The following PSKH2 variants were observed in gnomAD, a reference collection of about 807,000 sequenced individuals.
PSKH2 encodes serine/threonine-protein kinase H2.
PSKH2 carries 16 observed loss-of-function variants against 22.5 expected under a neutral mutation model. The ratio of observed to expected loss-of-function variants is 0.71; its 90% CI spans 0.48 to 1.08. PSKH2 has a LOEUF of 1.08. Among genes scored for constraint, PSKH2 ranks in the 50% least tolerant of loss-of-function variants. PSKH2 has a pLI of 0.00. For synonymous variants in PSKH2, 188 were observed against 184.8 expected (o/e 1.02, Z -0.14); for missense variants, 516 against 492.8 (o/e 1.05, Z -0.44).
At chr8:86,052,000 T>G (rs1246017521) in intron 2 of PSKH2, among the ~76,000 whole-genome samples, 1 of 152,258 alleles carries the variant, frequency 6.6e-6, no homozygotes, top group African/African-American at 2.4e-5. Context: ...TTTATTTTTC[T>G]TTTATTAATC....
chr8:86,054,548 G>A (rs902732524), intron 2 of PSKH2, among the ~76,000 whole-genome samples: 18 of 152,008 alleles, frequency 1.2e-4, no homozygotes, highest in African/African-American at 3.6e-4. Context: ...TTTTGTTATA[G>A]ATATTTAATA....
chr8:86,053,138 C>T (rs1241158927), intron 2 of PSKH2, among the ~76,000 whole-genome samples: 2 of 152,158 alleles, frequency 1.3e-5, no homozygotes, highest in Non-Finnish European at 2.9e-5. Flanking sequence ...CTGTTGTTTG[C>T]CCACATCCAG....
chr8:86,055,980 C>CTGTGTGTG (rs55968832), intron 2 of PSKH2, among the ~76,000 whole-genome samples: 3 of 149,922 alleles, frequency 2.0e-5, no homozygotes, highest in African/African-American at 4.9e-5. Flanking sequence ...ATGTGTGTGT[C>CTGTGTGTG]TGTGTGTGTG....
chr8:86,049,431 T>G (rs1186746914), intron 2 of PSKH2, among the ~76,000 whole-genome samples: 1 of 151,920 alleles, frequency 6.6e-6, no homozygotes, highest in Non-Finnish European at 1.5e-5. Context: ...CAGTGGCACA[T>G]GTCTGTAATC....
chr8:86,064,136 C>G lies in PSKH2; in HGVS notation c.681G>C (p.Glu227Asp). 6.2e-7 allele frequency: 1 copy of G among 1,614,174 alleles called. No homozygotes were observed. The change falls in exon 2 of 3, where the codon GAG (glutamate) becomes GAC (aspartate). Residue 227 changes from glutamate (E) to aspartate (D), a missense_variant. Coordinates refer to ENST00000276616, the MANE Select transcript of PSKH2 (RefSeq NM_033126.3). ...WTMKTLCGTP[E>D]YIAPEVLLRK... is the part of the protein sequence containing the mutation. ...TTAGCAAAACCTCAGGAGCTATGTA[C>G]TCTGGGGTCCCACAGAGTGTCTTCA...
intron 2 of PSKH2, among the ~76,000 whole-genome samples, chr8:86,053,114 T>C (rs1817656294): frequency 6.6e-6 from 1 of 152,228 alleles, no homozygotes; most frequent in Admixed American, 6.5e-5. Context: ...AGTTTTTTGA[T>C]GAACAATATT....
chr8:86,066,898 T>G (rs565689587), intron 1 of PSKH2, among the ~76,000 whole-genome samples: 1 of 152,338 alleles, frequency 6.6e-6, no homozygotes, highest in East Asian at 1.9e-4. Context: ...ACATGCATTC[T>G]CAGTGTGATT....
intron 2 of PSKH2, among the ~76,000 whole-genome samples, chr8:86,061,903 A>T (rs2130163379): frequency 6.6e-6 from 1 of 152,320 alleles, no homozygotes; most frequent in Non-Finnish European, 1.5e-5. Context: ...GATTGTTTTA[A>T]GCCACTAGGT....
Position 86,048,646 on chromosome 8 carries a change from G to A in PSKH2, c.974C>T (p.Ala325Val). Residue 325 changes from alanine to valine, a missense_variant, in exon 3 of 3, where the codon GCA becomes GTA. Coordinates refer to ENST00000276616, the MANE Select transcript of PSKH2 (RefSeq NM_033126.3). ...CTGGAGATTCTTCATGGAAGACCCTGCAGCCATGGTGATCACCCAGGGATG... is the reference window on the plus strand; with the variant it reads ...CTGGAGATTCTTCATGGAAGACCCTACAGCCATGGTGATCACCCAGGGATG... ...LDHPWVITMAAGSSMKNLQRA... is the reference protein window; with the variant it reads ...LDHPWVITMAVGSSMKNLQRA... 2 of 1,614,088 alleles carry A rather than the reference G, an allele frequency of 1.2e-6. No homozygotes were observed. Among genetic ancestry groups the A allele is most frequent in the South Asian group, 1.1e-5 (1 of 91,078 alleles).
At chr8:86,059,907 T>C (rs1442440487) in intron 2 of PSKH2, among the ~76,000 whole-genome samples, 1 of 152,180 alleles carries the variant, frequency 6.6e-6, no homozygotes, top group African/African-American at 2.4e-5. Context: ...AGCTGTCCTT[T>C]TGTGGAAAAG....
chr8:86,057,108 G>C (rs1817709188), intron 2 of PSKH2, among the ~76,000 whole-genome samples: 1 of 151,900 alleles, frequency 6.6e-6, no homozygotes, highest in Non-Finnish European at 1.5e-5. Context: ...GTTTTTGGTA[G>C]AGATGGGGTC....
chr8:86,048,016 A>T lies in PSKH2; in HGVS notation c.*446T>A, dbSNP rs1475871928. Among the ~76,000 whole-genome samples the T allele has an allele frequency of 6.6e-6, 1 of 152,186 alleles. No individual in the cohort carries two copies. Among genetic ancestry groups the T allele is most frequent in the South Asian group, 2.1e-4 (1 of 4,832 alleles). ...CTAAATATGAAATTAACAGACATTT[A>T]TAACTACTTCGAGTGTTACCTAGTT... On this transcript the variant is annotated 3_prime_UTR_variant, in exon 3 of 3. Transcript: ENST00000276616.
chr8:86,068,936 G>A (rs777209001), intron 1 of PSKH2, among the ~76,000 whole-genome samples: 2 of 152,060 alleles, frequency 1.3e-5, no homozygotes, highest in Non-Finnish European at 2.9e-5. Flanking sequence ...AGATGTCAAA[G>A]AGAAATTGTA....
chr8:86,064,701 T>C, intron 1 of PSKH2, 70 bp from the exon 2 acceptor site: 1 of 1,184,200 alleles, frequency 8.4e-7, no homozygotes, highest in Non-Finnish European at 1.2e-6. Context: ...AAGTCCATGC[T>C]TTATATCATC....
intron 1 of PSKH2, among the ~76,000 whole-genome samples, chr8:86,068,234 T>C (rs927254550): frequency 6.6e-6 from 1 of 152,198 alleles, no homozygotes; most frequent in Non-Finnish European, 1.5e-5. Context: ...TCTGCATAGA[T>C]TCTGGACAGA....
rs1447328958 is a variant in PSKH2 at position 86,064,061 on chromosome 8, T to C, written c.756A>G (p.Thr252=). The change falls in exon 2 of 3, where the codon ACA becomes ACG. Residue 252 remains threonine (T), a synonymous_variant. Coordinates refer to ENST00000276616, the MANE Select transcript of PSKH2 (RefSeq NM_033126.3). The stretch of plus-strand genomic sequence containing the variant: ...GCAGGAATCCGCTAAGTAAAGCATA[T>C]GTGATCACACCAAGAGCCCACATGT... The part of the protein sequence containing the change: ...AVDMWALGVI[T]YALLSGFLPF... The C allele has an allele frequency of 6.2e-7, 1 of 1,614,164 alleles. No individual in the cohort carries two copies. Among genetic ancestry groups the C allele is most frequent in the Non-Finnish European group, 8.5e-7 (1 of 1,180,022 alleles).
chr8:86,048,349 G>A lies in PSKH2; in HGVS notation c.*113C>T. The A allele has an allele frequency of 1.3e-6, 1 of 784,428 alleles. No individual in the cohort carries two copies. The highest frequency in any genetic ancestry group is 2.0e-6 in the Non-Finnish European group (1 of 494,350). The allele number at this position is 784,428 out of a possible 1,614,324, so 48.6% of individuals were successfully genotyped here. Reference sequence around the variant, plus strand: ...AGAACAAGAAAATGTTAAAAGTCAAGATCAATAGTATCCAACAATACCATG... The same window carrying A: ...AGAACAAGAAAATGTTAAAAGTCAAAATCAATAGTATCCAACAATACCATG... On this transcript the variant is annotated 3_prime_UTR_variant, in exon 3 of 3. Coordinates refer to ENST00000276616, the MANE Select transcript of PSKH2 (RefSeq NM_033126.3).
Position 86,060,285 on chromosome 8 carries a change from A to G in PSKH2, c.852+3680T>C, listed in dbSNP as rs192040041. The stretch of plus-strand genomic sequence containing the variant: ...CTTTTGTGTGGCTCCTGTGCACAGA[A>G]ATAAATTTATATACATTTTCTCCTG... On this transcript the variant is annotated intron_variant, in intron 2 of 2. Transcript: ENST00000276616. Among the ~76,000 whole-genome samples, 26 of 152,176 alleles carry G rather than the reference A, an allele frequency of 1.7e-4. 1 individual carries two copies. The highest frequency in any genetic ancestry group is 8.3e-4 in the South Asian group (4 of 4,822).
intron 2 of PSKH2, among the ~76,000 whole-genome samples, chr8:86,063,262 T>A (rs1274065630): frequency 1.3e-5 from 2 of 152,198 alleles, no homozygotes; most frequent in Non-Finnish European, 2.9e-5. Context: ...AATATCAATG[T>A]TTTTCTTCAT....
Sources: gnomAD v4.1 joint callset for allele counts (sites outside exome capture counted in the v4.1 genomes callset) on GRCh38, gnomAD v4.1.1 for gene constraint, MANE v1.5 for transcripts, NCBI Gene and HGNC (gene_info 2026-07-23, HGNC 2026-07-21) for gene names.